Variants in KHDRBS2 observed in about 807,000 individuals in gnomAD.
The protein encoded by KHDRBS2 is KH RNA binding domain containing, signal transduction associated 2.
Under a neutral mutation model 44.3 loss-of-function variants are expected in KHDRBS2, and 26 were observed. The ratio of observed to expected loss-of-function variants is 0.59; its 90% CI spans 0.43 to 0.81. KHDRBS2 has a LOEUF of 0.81. KHDRBS2 is among the 40% of genes least tolerant of loss of function. The probability of loss-of-function intolerance (pLI) is 0.00; values close to 1 mark genes in which losing one functional copy is unlikely to be tolerated. For missense variants in KHDRBS2, 476 were observed against 433.1 expected, an observed-to-expected ratio of 1.10 and a Z score of -0.88; for synonymous variants, 194 against 151.1, an observed-to-expected ratio of 1.28 and a Z score of -2.08.
intron 2 of KHDRBS2, among the ~76,000 whole-genome samples, chr6:62,074,438 G>A (rs1302371352): frequency 6.6e-6 from 1 of 151,746 alleles, no homozygotes; most frequent in African/African-American, 2.4e-5. Flanking sequence ...TCTTGGTTTT[G>A]ATGGCTTTCC....
intron 7 of KHDRBS2, among the ~76,000 whole-genome samples, chr6:61,731,700 T>A (rs1391434862): frequency 6.6e-6 from 1 of 152,118 alleles, no homozygotes; most frequent in East Asian, 1.9e-4. Flanking sequence ...AACAGTAAGT[T>A]CCATTGGCTT....
At chr6:61,909,992 G>A (rs926471965) in intron 4 of KHDRBS2, among the ~76,000 whole-genome samples, 1 of 152,186 alleles carries the variant, frequency 6.6e-6, no homozygotes, top group Non-Finnish European at 1.5e-5. Context: ...GAAATCATCG[G>A]AAATGATACG....
At chr6:61,843,646 T>A (rs1793943131) in intron 6 of KHDRBS2, among the ~76,000 whole-genome samples, 1 of 152,128 alleles carries the variant, frequency 6.6e-6, no homozygotes, top group African/African-American at 2.4e-5. Flanking sequence ...ATTACAGGCG[T>A]GAGCCACTGC....
chr6:61,945,109 A>ATTT (rs1256689275), intron 4 of KHDRBS2, among the ~76,000 whole-genome samples: 1 of 36,582 alleles, frequency 2.7e-5, no homozygotes, highest in Admixed American at 4.2e-4. Context: ...AAAAAAAAAA[A>ATTT]AAAGTATATA....
intron 6 of KHDRBS2, among the ~76,000 whole-genome samples, chr6:61,890,198 G>A (rs564765776): frequency 1.0e-3 from 159 of 152,306 alleles, no homozygotes; most frequent in African/African-American, 3.7e-3. Context: ...CCTAAAATAA[G>A]ATGGAGGCTC....
At chr6:61,691,871 C>T (rs567163297) in intron 8 of KHDRBS2, among the ~76,000 whole-genome samples, 6 of 152,174 alleles carry the variant, frequency 3.9e-5, no homozygotes, top group African/African-American at 1.4e-4. Context: ...CACTCAAATG[C>T]CCTAGAATAT....
chr6:62,045,033 G>T (rs150105113), intron 3 of KHDRBS2, among the ~76,000 whole-genome samples: 22 of 152,024 alleles, frequency 1.4e-4, no homozygotes, highest in African/African-American at 5.1e-4. Flanking sequence ...ACTGGAAGCT[G>T]GACATAAATT....
chr6:62,178,727 T>C (rs1489058368), intron 1 of KHDRBS2, among the ~76,000 whole-genome samples: 1 of 151,572 alleles, frequency 6.6e-6, no homozygotes, highest in Non-Finnish European at 1.5e-5. Flanking sequence ...GTTTTTTATA[T>C]AGTTATTATA....
At chr6:61,560,606 C>A in the KHDRBS2 span, among the ~76,000 whole-genome samples, 1 of 152,132 alleles carries the variant, frequency 6.6e-6, no homozygotes, top group African/African-American at 2.4e-5. Flanking sequence ...GACTCTGATG[C>A]ATTCTTCAGT....
intron 1 of KHDRBS2, among the ~76,000 whole-genome samples, chr6:62,207,062 G>C (rs1229131703): frequency 3.3e-5 from 5 of 152,094 alleles, no homozygotes; most frequent in African/African-American, 1.2e-4. Context: ...AATCCTGTAA[G>C]ACTTTAATTT....
chr6:61,681,469 A>C (rs951727074), intron 8 of KHDRBS2, among the ~76,000 whole-genome samples: 1 of 151,878 alleles, frequency 6.6e-6, no homozygotes, highest in African/African-American at 2.4e-5. Flanking sequence ...AAATCTACTG[A>C]TTAGAAAACT....
At chr6:62,167,360 A>C (rs1054692257) in intron 2 of KHDRBS2, among the ~76,000 whole-genome samples, 8 of 152,140 alleles carry the variant, frequency 5.3e-5, no homozygotes, top group African/African-American at 1.9e-4. Context: ...TGAAAACATA[A>C]AAATTAAAAA....
intron 1 of KHDRBS2, among the ~76,000 whole-genome samples, chr6:62,209,713 C>A (rs1828694198): frequency 6.6e-6 from 1 of 152,162 alleles, no homozygotes; most frequent in African/African-American, 2.4e-5. Context: ...ACCCTCTAAT[C>A]AGCTGCCAGC....
At chr6:61,973,368 A>G (rs1048118423) in intron 4 of KHDRBS2, among the ~76,000 whole-genome samples, 4 of 152,128 alleles carry the variant, frequency 2.6e-5, no homozygotes, top group African/African-American at 9.7e-5. Context: ...ACATTTTCCA[A>G]TTTCAGAACT....
At chr6:61,779,355 A>AT (rs1782585239) in intron 6 of KHDRBS2, among the ~76,000 whole-genome samples, 1 of 152,142 alleles carries the variant, frequency 6.6e-6, no homozygotes, top group Non-Finnish European at 1.5e-5. Flanking sequence ...TGAAAGACAG[A>AT]TTTTTGTTTT....
intron 2 of KHDRBS2, among the ~76,000 whole-genome samples, chr6:62,111,852 C>T (rs1011735615): frequency 1.3e-5 from 2 of 151,926 alleles, no homozygotes; most frequent in African/African-American, 4.8e-5. Flanking sequence ...ATTGAACTCC[C>T]GCCTAGGTGA....
chr6:61,899,736 C>A (rs1005115089), intron 5 of KHDRBS2, among the ~76,000 whole-genome samples: 5 of 133,572 alleles, frequency 3.7e-5, no homozygotes, highest in African/African-American at 1.3e-4. Context: ...TTTTAATGCC[C>A]CCCCCCCGCA....
intron 3 of KHDRBS2, among the ~76,000 whole-genome samples, chr6:62,021,119 C>T (rs189721880): frequency 6.1e-4 from 92 of 151,934 alleles, no homozygotes; most frequent in African/African-American, 2.1e-3. Context: ...CTTAGCAAAA[C>T]GACAAGAACA....
At chr6:62,062,927 T>A (rs572599005) in intron 2 of KHDRBS2, among the ~76,000 whole-genome samples, 3 of 148,944 alleles carry the variant, frequency 2.0e-5, no homozygotes, top group African/African-American at 7.4e-5. Context: ...ATAGACGCAA[T>A]AAAAAATGAT....
Sources: gnomAD v4.1 joint callset for allele counts (sites outside exome capture counted in the v4.1 genomes callset) on GRCh38, gnomAD v4.1.1 for gene constraint, MANE v1.5 for transcripts, NCBI Gene and HGNC (gene_info 2026-07-23, HGNC 2026-07-21) for gene names.